PDE3B: variants seen among roughly 807,000 people sequenced by gnomAD.
The protein encoded by PDE3B is cGMP-inhibited 3',5'-cyclic phosphodiesterase 3B.
A neutral mutation model predicts 116.8 loss-of-function variants in PDE3B; 66 were observed. That is an observed-to-expected ratio of 0.56 (90% CI 0.46 to 0.69). PDE3B has a LOEUF of 0.69. PDE3B is among the 30% of genes least tolerant of loss of function. The pLI is 0.00. For synonymous variants in PDE3B, 595 were observed against 533.6 expected (o/e 1.12, Z -1.59); for missense variants, 1,384 against 1,368.1 (o/e 1.01, Z -0.18).
chr11:14,766,663 C>G (rs1857505682), intron 1 of PDE3B, among the ~76,000 whole-genome samples: 1 of 150,684 alleles, frequency 6.6e-6, no homozygotes. Flanking sequence ...TCTGTGAAAA[C>G]AAACAAACAA....
intron 1 of PDE3B, among the ~76,000 whole-genome samples, chr11:14,723,829 T>G (rs939411873): frequency 6.6e-6 from 1 of 151,634 alleles, no homozygotes; most frequent in Non-Finnish European, 1.5e-5. Flanking sequence ...GCTTACAAAC[T>G]GAAAGAAGGG....
At chr11:14,735,044 T>C (rs1045708012) in intron 1 of PDE3B, among the ~76,000 whole-genome samples, 9 of 152,210 alleles carry the variant, frequency 5.9e-5, no homozygotes, top group African/African-American at 2.2e-4. Flanking sequence ...CACCCCATCA[T>C]CTTTTCTTCT....
At chr11:14,658,295 A>G (rs1853776069) in intron 1 of PDE3B, among the ~76,000 whole-genome samples, 1 of 152,220 alleles carries the variant, frequency 6.6e-6, no homozygotes, top group Admixed American at 6.5e-5. Flanking sequence ...ACACGATAAT[A>G]GAAAAAGCTA....
At chr11:14,693,300 C>G (rs1050436856) in intron 1 of PDE3B, among the ~76,000 whole-genome samples, 13 of 152,216 alleles carry the variant, frequency 8.5e-5, no homozygotes, top group Non-Finnish European at 5.9e-5. Context: ...TCTAGAACAT[C>G]TAGCTAAGGT....
At chr11:14,714,222 G>A (rs760210299) in intron 1 of PDE3B, among the ~76,000 whole-genome samples, 8 of 149,052 alleles carry the variant, frequency 5.4e-5, no homozygotes, top group Admixed American at 2.6e-4. Context: ...AAAAAAGACC[G>A]TATAAATGTG....
chr11:14,734,898 T>C (rs1187947161), intron 1 of PDE3B, among the ~76,000 whole-genome samples: 1 of 152,176 alleles, frequency 6.6e-6, no homozygotes, highest in African/African-American at 2.4e-5. Flanking sequence ...TTATGTAATA[T>C]CTGTTCTTTA....
At chr11:14,774,539 C>CCAGTGCTT (rs1856202337) in intron 2 of PDE3B, 1 of 152,200 alleles carries the variant, frequency 6.6e-6, no homozygotes, top group Admixed American at 6.6e-5. Flanking sequence ...TTTGCCGTCC[C>CCAGTGCTT]CAGTGCTTCT....
intron 1 of PDE3B, among the ~76,000 whole-genome samples, chr11:14,735,958 TTGTG>T (rs59099319): frequency 0.01 from 1,475 of 142,996 alleles, 14 homozygotes; most frequent in African/African-American, 0.028. Flanking sequence ...GAATAATAGG[TTGTG>T]TGTGTGTGTG....
intron 1 of PDE3B, among the ~76,000 whole-genome samples, chr11:14,663,553 C>G (rs1359429314): frequency 2.0e-5 from 3 of 151,294 alleles, no homozygotes; most frequent in East Asian, 3.9e-4. Context: ...CACATAGGCT[C>G]AAAATAAAAG....
At chr11:14,660,576 T>C (rs1853869775) in intron 1 of PDE3B, among the ~76,000 whole-genome samples, 1 of 152,096 alleles carries the variant, frequency 6.6e-6, no homozygotes, top group Non-Finnish European at 1.5e-5. Context: ...AGTGCTGGGA[T>C]TGCAGGCATG....
the PDE3B span, chr11:14,880,803 A>G: frequency 6.4e-7 from 1 of 1,565,520 alleles, no homozygotes; most frequent in African/African-American, 1.4e-5. Flanking sequence ...TATAATTCCT[A>G]CTTCTCTGTA....
intron 2 of PDE3B, among the ~76,000 whole-genome samples, chr11:14,778,961 T>C (rs888358392): frequency 2.0e-5 from 3 of 151,838 alleles, no homozygotes; most frequent in African/African-American, 7.3e-5. Context: ...AAATAAACAG[T>C]GTATAGAAGA....
the PDE3B span, among the ~76,000 whole-genome samples, chr11:14,877,092 C>T: frequency 5.3e-4 from 81 of 152,178 alleles, 1 homozygote; most frequent in African/African-American, 1.9e-3. Context: ...AGAGCATGTA[C>T]CTGTAATATA....
At chr11:14,659,141 GA>G (rs1853810577) in intron 1 of PDE3B, among the ~76,000 whole-genome samples, 1 of 152,194 alleles carries the variant, frequency 6.6e-6, no homozygotes, top group African/African-American at 2.4e-5. Flanking sequence ...GTGAAGCTTG[GA>G]AGAATGTTGC....
intron 1 of PDE3B, among the ~76,000 whole-genome samples, chr11:14,688,846 C>G (rs570718789): frequency 6.6e-6 from 1 of 152,152 alleles, no homozygotes; most frequent in East Asian, 1.9e-4. Flanking sequence ...GATCTTGGCT[C>G]ACTGCAACCT....
At chr11:14,850,420 A>G (rs1327877696) in intron 12 of PDE3B, among the ~76,000 whole-genome samples, 1 of 152,118 alleles carries the variant, frequency 6.6e-6, no homozygotes, top group African/African-American at 2.4e-5. Flanking sequence ...GCACACCAGC[A>G]TGGCACATGT....
rs770219018 is a variant in PDE3B at position 14,644,799 on chromosome 11, T to A, written c.724T>A (p.Ser242Thr). 3.1e-6 allele frequency: 5 copies of A among 1,610,832 alleles called. No homozygotes were observed. In the African/African-American group the frequency reaches 5.3e-5, roughly 17 times the overall value. The part of the protein sequence containing the change: ...VSFTSLGSLP[S>T]ALRPLLSGLV... Reference sequence around the variant, plus strand: ...CTTCACCAGCCTCGGGTCGCTGCCCTCCGCCCTCAGGCCGCTGCTCTCCGG... The same window carrying A: ...CTTCACCAGCCTCGGGTCGCTGCCCACCGCCCTCAGGCCGCTGCTCTCCGG... The change falls in exon 1 of 16, where the codon TCC (serine) becomes ACC (threonine). Residue 242 changes from serine to threonine, a missense_variant. Around this residue, in one of 2 missense-constraint regions of PDE3B, gnomAD observed 956 missense variants for 806.8 expected, o/e 1.18. Coordinates refer to ENST00000282096, the MANE Select transcript of PDE3B (RefSeq NM_000922.4).
At chr11:14,809,297 C>A (rs1174064056) in intron 5 of PDE3B, among the ~76,000 whole-genome samples, 1 of 152,200 alleles carries the variant, frequency 6.6e-6, no homozygotes, top group Non-Finnish European at 1.5e-5. Flanking sequence ...ATGTGTATAG[C>A]AGCATTATTC....
intron 1 of PDE3B, among the ~76,000 whole-genome samples, chr11:14,753,931 CTTGT>C (rs1468783990): frequency 2.0e-5 from 3 of 151,860 alleles, no homozygotes; most frequent in Non-Finnish European, 4.4e-5. Flanking sequence ...ATCTTATTGG[CTTGT>C]TTATTTTTAT....
Sources: gnomAD v4.1 joint callset for allele counts (sites outside exome capture counted in the v4.1 genomes callset) on GRCh38, gnomAD v4.1.1 for gene constraint, gnomAD v4.1.1 regional missense constraint, MANE v1.5 for transcripts, NCBI Gene and HGNC (gene_info 2026-07-23, HGNC 2026-07-21) for gene names.